NXPE2: variants seen among roughly 807,000 people sequenced by gnomAD.
The protein encoded by NXPE2 is NXPE family member 2.
In NXPE2, 34 loss-of-function variants were observed where a neutral mutation model predicts 34.4. The observed-to-expected ratio is 0.99, with a 90% confidence interval of 0.75 to 1.31. The LOEUF (loss-of-function observed/expected upper bound fraction) is 1.31, where lower values mean the gene tolerates loss of function less well. Ranked by LOEUF, NXPE2 falls within the 40% of genes most tolerant of loss-of-function variation. The pLI is 0.00. For synonymous variants in NXPE2, 235 were observed against 231.3 expected, an observed-to-expected ratio of 1.02 and a Z score of -0.15; for missense variants, 649 against 672.5, an observed-to-expected ratio of 0.97 and a Z score of 0.39.
At chr11:114,502,316 C>T in the NXPE2 span, among the ~76,000 whole-genome samples, 1 of 152,126 alleles carries the variant, frequency 6.6e-6, no homozygotes, top group African/African-American at 2.4e-5. Context: ...TTCTTCACTC[C>T]CCCCACAAAA....
At chr11:114,516,900 C>G in the NXPE2 span, among the ~76,000 whole-genome samples, 2 of 152,172 alleles carry the variant, frequency 1.3e-5, no homozygotes, top group African/African-American at 4.8e-5. Flanking sequence ...GCCCCCATCC[C>G]TGGGGTGGGT....
the NXPE2 span, chr11:114,513,215 C>T: frequency 1.9e-6 from 1 of 538,478 alleles, no homozygotes; most frequent in Non-Finnish European, 3.7e-6. Context: ...CAGCTGGTGC[C>T]TCCTGTAGTG....
At position 114,707,037 on chromosome 11, in the gene NXPE2, G is replaced by A. The variant is rs537378354; in HGVS notation, c.*107G>A. The A allele has an allele frequency of 7.1e-6, 6 of 850,442 alleles. No individual in the cohort carries two copies. Among genetic ancestry groups the A allele is most frequent in the Admixed American group, 5.9e-5 (2 of 33,982 alleles). The allele number at this position is 850,442 out of a possible 1,614,324, so 52.7% of individuals were successfully genotyped here. ...TTTTGAGGAAACTAAATTTGAAAAA[G>A]TTCTATTAAAGTTAAATATATGTAA... On this transcript the variant is annotated 3_prime_UTR_variant, in exon 6 of 6. Transcript: ENST00000389586.
the NXPE2 span, among the ~76,000 whole-genome samples, chr11:114,464,464 A>T: frequency 6.6e-6 from 1 of 152,152 alleles, no homozygotes; most frequent in African/African-American, 2.4e-5. Context: ...TGCATTTTTG[A>T]CTCATGATAT....
chr11:114,790,795 A>C, the NXPE2 span, among the ~76,000 whole-genome samples: 1 of 151,726 alleles, frequency 6.6e-6, no homozygotes, highest in Admixed American at 6.6e-5. Flanking sequence ...TTATGAAAAA[A>C]GGAAGGAGCC....
At chr11:114,527,982 G>A in the NXPE2 span, 1 of 1,049,718 alleles carries the variant, frequency 9.5e-7, no homozygotes, top group Admixed American at 2.4e-5. Context: ...GTGAGTGAAG[G>A]AAAATTTTTA....
In NXPE2 at chr11:114,698,169, A is replaced by G. The variant is rs758017057; in HGVS notation, c.257A>G (p.Asp86Gly). 12 of 1,614,098 alleles carry G rather than the reference A, an allele frequency of 7.4e-6. No individual in the cohort carries two copies. Among genetic ancestry groups the G allele is most frequent in the Non-Finnish European group, 1.0e-5 (12 of 1,180,020 alleles). Residue 86 changes from aspartate (D) to glycine (G), a missense_variant, in exon 3 of 6, where the codon GAC (aspartate) becomes GGC (glycine). By Grantham distance (94) the Asp-to-Gly change is moderately conservative. Coordinates refer to ENST00000389586, the MANE Select transcript of NXPE2 (RefSeq NM_182495.6). Reference protein sequence around the residue: ...SPKETELRIKDIMEKLDQQIP... With the variant: ...SPKETELRIKGIMEKLDQQIP... ...AAAGAGACTGAACTTAGAATAAAGG[A>G]CATTATGGAGAAACTAGACCAGCAG...
intron 2 of NXPE2, among the ~76,000 whole-genome samples, chr11:114,695,444 G>T (rs1182848099): frequency 1.3e-5 from 2 of 152,074 alleles, no homozygotes; most frequent in African/African-American, 2.4e-5. Flanking sequence ...CCAGATGGAG[G>T]CTGGGTTTGG....
intron 2 of NXPE2, among the ~76,000 whole-genome samples, chr11:114,684,337 G>A (rs1951004312): frequency 1.3e-5 from 2 of 151,904 alleles, no homozygotes; most frequent in South Asian, 4.2e-4. Context: ...TGAGGCAGGA[G>A]AATGGCATGA....
intron 2 of NXPE2, among the ~76,000 whole-genome samples, chr11:114,695,523 T>C (rs1951233338): frequency 6.6e-6 from 1 of 152,166 alleles, no homozygotes; most frequent in South Asian, 2.1e-4. Flanking sequence ...AGTAACCTAG[T>C]TCCCCTTGTT....
the NXPE2 span, among the ~76,000 whole-genome samples, chr11:114,634,734 T>A: frequency 2.6e-5 from 4 of 152,060 alleles, no homozygotes; most frequent in East Asian, 5.8e-4. Flanking sequence ...CTTTCCCCAT[T>A]GCTTGTTTTT....
the NXPE2 span, among the ~76,000 whole-genome samples, chr11:114,664,859 T>C: frequency 6.6e-6 from 1 of 152,168 alleles, no homozygotes; most frequent in Non-Finnish European, 1.5e-5. Flanking sequence ...ACCAATACTC[T>C]ACAGTGTACT....
At chr11:114,575,708 A>G in the NXPE2 span, among the ~76,000 whole-genome samples, 2 of 152,220 alleles carry the variant, frequency 1.3e-5, no homozygotes, top group South Asian at 4.1e-4. Context: ...AGATGACATG[A>G]ATAAATGGAA....
the NXPE2 span, among the ~76,000 whole-genome samples, chr11:114,586,978 ATC>A: frequency 4.6e-5 from 7 of 152,144 alleles, no homozygotes; most frequent in Non-Finnish European, 1.5e-5. Context: ...CCCTGTGAAC[ATC>A]TCTCTCTTTA....
chr11:114,559,245 A>G, the NXPE2 span, among the ~76,000 whole-genome samples: 7 of 152,164 alleles, frequency 4.6e-5, no homozygotes, highest in Admixed American at 3.3e-4. Context: ...CCCTGCACCA[A>G]TCTAGACTCT....
the NXPE2 span, chr11:114,526,705 A>T: frequency 1.3e-5 from 2 of 152,232 alleles, no homozygotes; most frequent in Admixed American, 1.3e-4. Flanking sequence ...CATGACGGGA[A>T]TTATCAGGTA....
the NXPE2 span, chr11:114,551,152 A>G: frequency 6.5e-7 from 1 of 1,535,098 alleles, no homozygotes; most frequent in Non-Finnish European, 8.7e-7. Context: ...TACTACTGAA[A>G]AAGAGATCAA....
the NXPE2 span, among the ~76,000 whole-genome samples, chr11:114,801,439 C>T: frequency 6.6e-6 from 1 of 152,126 alleles, no homozygotes; most frequent in African/African-American, 2.4e-5. Flanking sequence ...GAGAGATGGA[C>T]AGGGGACAGA....
chr11:114,634,296 T>C, the NXPE2 span, among the ~76,000 whole-genome samples: 8 of 152,120 alleles, frequency 5.3e-5, no homozygotes, highest in Non-Finnish European at 8.8e-5. Flanking sequence ...CTTTGCCCAC[T>C]TTTTGATAGA....
Sources: allele counts gnomAD v4.1 joint callset (sites outside exome capture counted in the v4.1 genomes callset), GRCh38; gene constraint gnomAD v4.1.1; transcripts MANE v1.5; gene names NCBI Gene and HGNC (gene_info 2026-07-23, HGNC 2026-07-21).